The following POLG variants were observed in gnomAD, a reference collection of about 807,000 sequenced individuals.
The protein encoded by POLG is DNA polymerase gamma, catalytic subunit, also known as DNA polymerase subunit gamma-1.
POLG carries 110 observed loss-of-function variants against 155.4 expected under a neutral mutation model. That is an observed-to-expected ratio of 0.71 (90% CI 0.61 to 0.83). The LOEUF (loss-of-function observed/expected upper bound fraction) is 0.83. Among genes scored for constraint, POLG ranks in the 40% least tolerant of loss-of-function variants. The probability of loss-of-function intolerance (pLI) is 0.00; values close to 1 mark genes in which losing one functional copy is unlikely to be tolerated. For synonymous variants in POLG, 701 were observed against 631.5 expected (o/e 1.11, Z -1.65); for missense variants, 1,685 against 1,627.5 (o/e 1.04, Z -0.61).
chr15:89,325,371 T>C (rs2055500730), intron 10 of POLG, 79 bp downstream of exon 10: 2 of 981,512 alleles, frequency 2.0e-6, no homozygotes, highest in Non-Finnish European at 3.2e-6. Flanking sequence ...CCCAAACTCT[T>C]TCCACTAGCC....
At chr15:89,317,639 G>T in intron 21 of POLG, 103 bp from the exon 22 acceptor site, 1 of 1,102,156 alleles carries the variant, frequency 9.1e-7, no homozygotes, top group Non-Finnish European at 1.4e-6. Context: ...GGCTTCCCCT[G>T]GACCAACACC....
intron 10 of POLG, among the ~76,000 whole-genome samples, chr15:89,325,147 T>G (rs201797552): frequency 9.7e-5 from 2 of 20,704 alleles, no homozygotes; most frequent in African/African-American, 3.7e-4. Context: ...AGTGAGAGAG[T>G]GAGTGAGTGA....
chr15:89,332,479 G>C (rs1270435242), intron 2 of POLG: 1 of 152,096 alleles, frequency 6.6e-6, no homozygotes, highest in Non-Finnish European at 1.5e-5. Flanking sequence ...AAGAGAGATT[G>C]GATATACTTG....
At position 89,323,803 on chromosome 15, in the gene POLG, C is replaced by T. The variant is rs762919106; in HGVS notation, c.2157+12G>A. 29 of 1,608,666 alleles carry T rather than the reference C, an allele frequency of 1.8e-5. No homozygotes were observed. Among genetic ancestry groups the T allele is most frequent in the East Asian group, 4.5e-5 (2 of 44,872 alleles). ...CACCCACCTAGAGAACCCAAGCCGG[C>T]GCACTGCTCACCAGAGCTAGGGGTT... On this transcript the variant is annotated intron_variant, in intron 12 of 22. Transcript: ENST00000268124.
At position 89,325,253 on chromosome 15, in the gene POLG, AG is replaced by A. The variant is rs1567189970; in HGVS notation, c.1949+196del. On this transcript the variant is annotated intron_variant, in intron 10 of 22. Coordinates refer to ENST00000268124, the MANE Select transcript of POLG (RefSeq NM_002693.3). ...GAGTGAGAGAGTGAGTGAGTGAGAG[AG>A]AGAGTGAGTGAGTGAGTGAGAGAGA... Among the ~76,000 whole-genome samples, 31 of 87,254 alleles carry A rather than the reference AG, an allele frequency of 3.6e-4. 7 individuals carry two copies. Among genetic ancestry groups the A allele is most frequent in the African/African-American group, 2.6e-3 (31 of 11,768 alleles). 57.2% of individuals were successfully genotyped at this position (87,254 alleles called of 152,430 possible). A position where few individuals can be genotyped will look rare whatever the true frequency, so the allele number is the denominator to read the frequency against.
chr15:89,328,601 G>A, intron 5 of POLG, 66 bp from the exon 6 acceptor site: 1 of 1,603,350 alleles, frequency 6.2e-7, no homozygotes, highest in Non-Finnish European at 8.5e-7. Flanking sequence ...AGCTCTCAGG[G>A]TCAGGCCTGG....
Position 89,325,263 on chromosome 15 carries a change from T to A in POLG, c.1949+187A>T, listed in dbSNP as rs75835122. On this transcript the variant is annotated intron_variant, in intron 10 of 22. Transcript: ENST00000268124. ...GTGAGTGAGTGAGAGAGAGAGTGAG[T>A]GAGTGAGTGAGAGAGAGAGAAAGAG... is the stretch of plus-strand genomic sequence containing the variant. Among the ~76,000 whole-genome samples, 38 of 96,906 alleles carry A rather than the reference T, an allele frequency of 3.9e-4. 6 individuals carry two copies. The highest frequency in any genetic ancestry group is 2.0e-3 in the African/African-American group (28 of 14,092). The allele number at this position is 96,906 out of a possible 152,430, so 63.6% of individuals were successfully genotyped here.
rs529639381 is a variant in POLG, at chr15:89,328,508, C to T, written c.1198G>A (p.Val400Met). 25 of 1,613,892 alleles carry T rather than the reference C, an allele frequency of 1.5e-5. No homozygotes were observed. The highest frequency in any genetic ancestry group is 5.0e-5 in the Admixed American group (3 of 60,028). The change falls in exon 6 of 23, where the codon GTG becomes ATG. Residue 400 changes from valine to methionine, a missense_variant. Physicochemically the swap from Val to Met is conservative, Grantham distance 21. Around this residue, in one of 3 missense-constraint regions of POLG, gnomAD observed 1,210 missense variants for 1,167.1 expected, o/e 1.04. Transcript: ENST00000268124. ...QDLMQYCAQD[V>M]WATHEVFQQQ... ...TGGAAAACCTCATGGGTGGCCCACA[C>T]GTCCTGGGCACAGTACTGCATCAGG... is the stretch of plus-strand genomic sequence containing the variant.
intron 10 of POLG, 50 bp downstream of exon 10, chr15:89,325,400 G>T (rs1335708605): frequency 7.5e-7 from 1 of 1,331,848 alleles, no homozygotes; most frequent in Admixed American, 1.7e-5. Flanking sequence ...CCAGCCAGGG[G>T]AAGGGGTCCC....
intron 18 of POLG, among the ~76,000 whole-genome samples, chr15:89,319,802 G>A (rs1372735117): frequency 6.6e-6 from 1 of 152,180 alleles, no homozygotes; most frequent in Non-Finnish European, 1.5e-5. Flanking sequence ...AAACACAACA[G>A]CCAGGCCTGG....
rs781181789 is a variant in POLG at position 89,328,761 on chromosome 15, C to G, written c.1094G>C (p.Gly365Ala). The G allele has an allele frequency of 6.2e-7, 1 of 1,614,154 alleles. No homozygotes were observed. Among genetic ancestry groups the G allele is most frequent in the Non-Finnish European group, 8.5e-7 (1 of 1,180,028 alleles). ...AGGCTCCTTCTCTAAGGGAGGCCCC[C>G]CTACATAAAGTCTGTGCACCTCTGC... is the stretch of plus-strand genomic sequence containing the variant. ...SLAEVHRLYV[G>A]GPPLEKEPRE... is the part of the protein sequence containing the mutation. Residue 365 changes from glycine (G) to alanine (A), a missense_variant, in exon 5 of 23, where the codon GGG (glycine) becomes GCG (alanine). Transcript: ENST00000268124.
intron 8 of POLG, 29 bp downstream of exon 8, chr15:89,326,883 C>T: frequency 1.2e-6 from 2 of 1,613,578 alleles, no homozygotes; most frequent in South Asian, 1.1e-5. Context: ...AACCCCTACC[C>T]TACCCTACCT....
intron 20 of POLG, 56 bp from the exon 21 acceptor site, chr15:89,318,805 C>A: frequency 7.7e-6 from 12 of 1,565,062 alleles, no homozygotes; most frequent in South Asian, 1.1e-5. Context: ...CCAATTAACT[C>A]CAGGGTAGAA....
chr15:89,316,916 C>T (rs2055287417), intron 22 of POLG, 89 bp from the exon 23 acceptor site: 2 of 933,256 alleles, frequency 2.1e-6, no homozygotes, highest in East Asian at 2.4e-5. Flanking sequence ...ATGCTAAGGT[C>T]AAAAGGAGAG....
Position 89,323,923 on chromosome 15 carries a change from A to G in POLG, c.2071-22T>C, listed in dbSNP as rs2072267. On this transcript the variant is annotated intron_variant, in intron 11 of 22. Transcript: ENST00000268124. The stretch of plus-strand genomic sequence containing the variant: ...CTACCTGGAGCAGTCCAAGGACCAA[A>G]GTAGTGAAGCAGGGGACTGGGTAGG... 0.48 allele frequency: 768,832 copies of G among 1,597,192 alleles called. 189,685 individuals carry two copies. The highest frequency in any genetic ancestry group is 0.79 in the African/African-American group (59,082 of 74,678).
chr15:89,329,464 C>T (rs1321479131), intron 3 of POLG, among the ~76,000 whole-genome samples: 1 of 152,178 alleles, frequency 6.6e-6, no homozygotes, highest in Non-Finnish European at 1.5e-5. Context: ...AACCCTGCCA[C>T]TCAAAAGCTC....
intron 2 of POLG, 29 bp downstream of exon 2, chr15:89,333,067 C>T: frequency 1.3e-6 from 2 of 1,504,924 alleles, no homozygotes; most frequent in Non-Finnish European, 1.8e-6. Context: ...CCCATGCCTG[C>T]TTATGTCCCC....
Position 89,333,627 on chromosome 15 carries a change from T to TGCC in POLG, c.125_127dup (p.Arg42dup), listed in dbSNP as rs761080016. 2.7e-4 allele frequency: 422 copies of TGCC among 1,581,520 alleles called. 1 individual carries two copies. The highest frequency in any genetic ancestry group is 1.2e-3 in the Middle Eastern group (7 of 5,968). On this transcript the variant is annotated inframe_insertion, in exon 2 of 23. Transcript: ENST00000268124. Reference sequence around the variant, plus strand: ...CTGCTGCTGCTGCTGCTGCTGCTGCTGCCGCCGCCGCTGCCCGTCGCTGGG... The same window carrying TGCC: ...CTGCTGCTGCTGCTGCTGCTGCTGCTGCCGCCGCCGCCGCTGCCCGTCGCTGGG...
In POLG at chr15:89,326,947, CCCT is replaced by C. The variant is rs781424514; in HGVS notation, c.1547_1549del (p.Glu516del). ...CATGGGATCACCAGGGGCCCCAGCC[CCCT>C]CGATGGGCAACTTGCTGGCTGTGGC... is the stretch of plus-strand genomic sequence containing the variant. On this transcript the variant is annotated inframe_deletion, in exon 8 of 23. Coordinates refer to ENST00000268124, the MANE Select transcript of POLG (RefSeq NM_002693.3). The C allele has an allele frequency of 4.3e-6, 7 of 1,614,088 alleles. No individual in the cohort carries two copies. Among genetic ancestry groups the C allele is most frequent in the Non-Finnish European group, 5.9e-6 (7 of 1,180,062 alleles).
Sources: gnomAD v4.1 joint callset for allele counts (sites outside exome capture counted in the v4.1 genomes callset) on GRCh38, gnomAD v4.1.1 for gene constraint, gnomAD v4.1.1 regional missense constraint, MANE v1.5 for transcripts, NCBI Gene and HGNC (gene_info 2026-07-23, HGNC 2026-07-21) for gene names.